The following HNF4G variants were observed in gnomAD, a reference collection of about 807,000 sequenced individuals.
HNF4G encodes the protein hepatocyte nuclear factor 4 gamma.
Under a neutral mutation model 50.9 loss-of-function variants are expected in HNF4G, and 21 were observed. The ratio of observed to expected loss-of-function variants is 0.41; its 90% CI spans 0.29 to 0.59. The LOEUF is 0.59. Among genes scored for constraint, HNF4G ranks in the 20% least tolerant of loss-of-function variants. The probability of loss-of-function intolerance (pLI) is 0.26; values close to 1 mark genes in which losing one functional copy is unlikely to be tolerated. For synonymous variants in HNF4G, 198 were observed against 185.6 expected (o/e 1.07, Z -0.54); for missense variants, 527 against 559.4 (o/e 0.94, Z 0.58).
Position 75,439,943 on chromosome 8 carries a change from AT to A in HNF4G, c.-144+31791del, listed in dbSNP as rs909020139. On this transcript the variant is annotated intron_variant, in intron 1 of 10. Coordinates refer to the HNF4G transcript ENST00000354370. ...TTCTATTGTCATGAAAGCTCCTTAA[AT>A]TTTTTTTTTCTTTCCAGTTTCCACA... is the stretch of plus-strand genomic sequence containing the variant. Among the ~76,000 whole-genome samples the A allele has an allele frequency of 3.3e-4, 50 of 150,150 alleles. 1 individual carries two copies. Among genetic ancestry groups the A allele is most frequent in the Admixed American group, 2.2e-3 (33 of 14,996 alleles).
intron 8 of HNF4G, among the ~76,000 whole-genome samples, 168 bp from the exon 9 acceptor site, chr8:75,560,176 G>A (rs985083813): frequency 3.3e-5 from 5 of 152,220 alleles, no homozygotes; most frequent in Admixed American, 6.5e-5. Context: ...AGTGAAAGCT[G>A]ACATTGTTCT....
chr8:75,551,132 C>CG (rs1281125516), intron 3 of HNF4G, among the ~76,000 whole-genome samples: 1 of 151,992 alleles, frequency 6.6e-6, no homozygotes, highest in Non-Finnish European at 1.5e-5. Flanking sequence ...TACAGCGTGG[C>CG]GGAACTGGCT....
At chr8:75,531,079 C>T (rs1479373060) in intron 2 of HNF4G, among the ~76,000 whole-genome samples, 2 of 152,034 alleles carry the variant, frequency 1.3e-5, no homozygotes, top group East Asian at 3.9e-4. Flanking sequence ...CAGGTGTGAG[C>T]CACCATGCCC....
At chr8:75,544,043 T>TAAGA in intron 2 of HNF4G, 64 bp downstream of exon 2, 1 of 1,409,524 alleles carries the variant, frequency 7.1e-7, no homozygotes, top group African/African-American at 1.4e-5. Context: ...ACGCAAAAAG[T>TAAGA]AAGAGAAGAA....
rs1807463262 is a variant in HNF4G at position 75,566,398 on chromosome 8, G to A, written c.*2302G>A. 6.6e-6 allele frequency: 1 copy of A among 152,436 alleles called. No individual in the cohort carries two copies. Among genetic ancestry groups the A allele is most frequent in the Non-Finnish European group, 1.5e-5 (1 of 67,996 alleles). 9.4% of individuals were successfully genotyped at this position (152,436 alleles called of 1,614,324 possible). A position where few individuals can be genotyped will look rare whatever the true frequency, so the allele number is the denominator to read the frequency against. On this transcript the variant is annotated 3_prime_UTR_variant, in exon 10 of 10. Transcript: ENST00000396423. ...TAGCAAATACCTTTGAAGTATAAAA[G>A]ATAAAATTCATTTTTAGTGAACCCT...
chr8:75,462,437 GGA>G (rs760646963), intron 1 of HNF4G, among the ~76,000 whole-genome samples: 9 of 152,102 alleles, frequency 5.9e-5, no homozygotes, highest in Non-Finnish European at 1.0e-4. Context: ...TCAGGACAAA[GGA>G]ATGATTCACA....
rs567172058 is a variant in HNF4G, at chr8:75,487,063, A to T, written c.-143-3026A>T. The stretch of plus-strand genomic sequence containing the variant: ...TAAATCCCACTTACTTCAACAATTT[A>T]AAAATTGGCAAATATTAAAAACCCA... On this transcript the variant is annotated intron_variant, in intron 1 of 10. Transcript: ENST00000354370. Among the ~76,000 whole-genome samples, 509 of 152,324 alleles carry T rather than the reference A, an allele frequency of 3.3e-3. 4 individuals are homozygous for T. The highest frequency in any genetic ancestry group is 4.1e-3 in the Non-Finnish European group (276 of 68,020).
In HNF4G at chr8:75,473,343, T is replaced by C. The variant is rs538814584; in HGVS notation, c.-143-16746T>C. ...ATGTCATGGAAATTGTTTAGATTTA[T>C]ATGTGATACATACATAAAATATATT... On this transcript the variant is annotated intron_variant, in intron 1 of 10. Transcript: ENST00000354370. Among the ~76,000 whole-genome samples the C allele has an allele frequency of 7.2e-5, 11 of 152,310 alleles. No homozygotes were observed. The South Asian group carries it at 2.3e-3, about 32-fold the overall frequency.
At chr8:75,489,020 G>T (rs1292498104) in intron 1 of HNF4G, among the ~76,000 whole-genome samples, 1 of 152,136 alleles carries the variant, frequency 6.6e-6, no homozygotes, top group Non-Finnish European at 1.5e-5. Context: ...GAGTCAAGAA[G>T]CTCCCAGCAC....
At chr8:75,535,253 T>C (rs1260170386), upstream of HNF4G, among the ~76,000 whole-genome samples, 1 of 151,834 alleles carries the variant, frequency 6.6e-6, no homozygotes. Context: ...GTGAATTTAC[T>C]TGTTTTCCCC....
chr8:75,429,977 T>G (rs1352057771), intron 1 of HNF4G, among the ~76,000 whole-genome samples: 21 of 151,828 alleles, frequency 1.4e-4, no homozygotes, highest in Admixed American at 1.3e-3. Context: ...CAGTGAAACC[T>G]CGTCTCTACT....
intron 2 of HNF4G, among the ~76,000 whole-genome samples, chr8:75,515,153 A>G (rs1805856801): frequency 1.3e-5 from 2 of 152,198 alleles, no homozygotes; most frequent in East Asian, 3.8e-4. Context: ...CCCAGAATTC[A>G]GAGCTGTAAC....
rs560295179 is a variant in HNF4G, at chr8:75,418,722, C to CTTT, written c.-144+10580_-144+10582dup. ...CCTAGTGATAAGTCTCTCTCTCTCT[C>CTTT]TTTTTTTTTTTTTTTTTTTTTTGAG... On this transcript the variant is annotated intron_variant, in intron 1 of 10. Coordinates refer to the HNF4G transcript ENST00000354370. Among the ~76,000 whole-genome samples the CTTT allele has an allele frequency of 4.8e-3, 523 of 109,344 alleles. 5 individuals carry two copies. The highest frequency in any genetic ancestry group is 6.1e-3 in the Non-Finnish European group (330 of 54,320). The allele number at this position is 109,344 out of a possible 152,430, so 71.7% of individuals were successfully genotyped here. A position where few individuals can be genotyped will look rare whatever the true frequency, so the allele number is the denominator to read the frequency against.
chr8:75,425,820 G>A (rs13249060), intron 1 of HNF4G, among the ~76,000 whole-genome samples: 33,889 of 151,712 alleles, frequency 0.22, 4,304 homozygotes, highest in Non-Finnish European at 0.29. Context: ...TGGGTTTCCC[G>A]TTTTAGGCTA....
intron 3 of HNF4G, among the ~76,000 whole-genome samples, chr8:75,550,651 A>G (rs1215448087): frequency 6.6e-6 from 1 of 151,242 alleles, no homozygotes; most frequent in African/African-American, 2.4e-5. Context: ...ACTCTTCCTT[A>G]TATTTAAAAA....
intron 8 of HNF4G, 69 bp from the exon 9 acceptor site, chr8:75,560,275 T>C (rs542586134): frequency 3.9e-6 from 6 of 1,533,460 alleles, no homozygotes; most frequent in Non-Finnish European, 4.5e-6. Context: ...AATCAAAACA[T>C]TTGTTTCAAG....
rs539442376 is a variant in HNF4G, at chr8:75,442,106, C to T, written c.-144+33944C>T. ...TTTATATAAAGATTCAAAAGAGAAACAACTAAATAGTTAATTGTTACTAAC... is the reference window on the plus strand; with the variant it reads ...TTTATATAAAGATTCAAAAGAGAAATAACTAAATAGTTAATTGTTACTAAC... On this transcript the variant is annotated intron_variant, in intron 1 of 10. Transcript: ENST00000354370. 2.0e-5 allele frequency among the ~76,000 whole-genome samples: 3 copies of T among 151,998 alleles called. No homozygotes were observed. The South Asian group carries it at 6.2e-4, about 32-fold the overall frequency.
At chr8:75,483,493 C>T (rs1178558382) in intron 1 of HNF4G, among the ~76,000 whole-genome samples, 1 of 152,182 alleles carries the variant, frequency 6.6e-6, no homozygotes, top group Admixed American at 6.5e-5. Context: ...CCTCCCTGCA[C>T]TCAGGTCTGC....
At chr8:75,480,292 G>A (rs1243785485) in intron 1 of HNF4G, among the ~76,000 whole-genome samples, 2 of 152,140 alleles carry the variant, frequency 1.3e-5, no homozygotes, top group African/African-American at 4.8e-5. Context: ...AATTGTATAC[G>A]TGCATAGCCA....
Sources: allele counts gnomAD v4.1 joint callset (sites outside exome capture counted in the v4.1 genomes callset), GRCh38; gene constraint gnomAD v4.1.1; transcripts MANE v1.5; gene names NCBI Gene and HGNC (gene_info 2026-07-23, HGNC 2026-07-21).